The following GET3 variants were observed in gnomAD, a reference collection of about 807,000 sequenced individuals.
The protein encoded by GET3 is ATPase GET3.
In GET3, 15 loss-of-function variants were observed where a neutral mutation model predicts 32.4. That is an observed-to-expected ratio of 0.46 (90% CI 0.31 to 0.71). The LOEUF is 0.71. GET3 is among the 30% of genes least tolerant of loss of function. The pLI is 0.05. For missense variants in GET3, 333 were observed against 459.0 expected (o/e 0.73, Z 2.51); for synonymous variants, 198 against 185.6 (o/e 1.07, Z -0.54).
At position 12,739,257 on chromosome 19, in the gene GET3, T is replaced by C. The variant is rs943306270; in HGVS notation, c.309+599T>C. 1.2e-4 allele frequency among the ~76,000 whole-genome samples: 19 copies of C among 152,002 alleles called. 1 individual carries two copies. The highest frequency in any genetic ancestry group is 4.3e-4 in the African/African-American group (18 of 41,432). ...ATCTAGGCTGACTGCAACCTCCGCC[T>C]CCCAGGTTCAAGCAATGCTCCTGCC... On this transcript the variant is annotated intron_variant, in intron 2 of 6. Transcript: ENST00000357332.
Position 12,745,279 on chromosome 19 carries a change from C to T in GET3, c.310-98C>T. 6.8e-7 allele frequency: 1 copy of T among 1,467,824 alleles called. No homozygotes were observed. The highest frequency in any genetic ancestry group is 9.2e-7 in the Non-Finnish European group (1 of 1,083,730). 90.9% of individuals were successfully genotyped at this position (1,467,824 alleles called of 1,614,324 possible). A position where few individuals can be genotyped will look rare whatever the true frequency, so the allele number is the denominator to read the frequency against. ...AGCCCACCACAGGCTCCCTCTGGCC[C>T]TGTGCCCGGGTAGGAAGGCTCCCCC... On this transcript the variant is annotated intron_variant, in intron 2 of 6. Coordinates refer to ENST00000357332, the MANE Select transcript of GET3 (RefSeq NM_004317.4). The surrounding 1 kb of genome is among the most constrained non-coding windows in gnomAD (Gnocchi z 5.0).
upstream of GET3, chr19:12,737,239 T>G: frequency 2.8e-6 from 1 of 351,740 alleles, no homozygotes; most frequent in African/African-American, 2.1e-5. Context: ...CTGCAAGACC[T>G]AGGGCCCAAT....
intron 2 of GET3, among the ~76,000 whole-genome samples, chr19:12,739,710 G>A (rs1022622941): frequency 1.3e-5 from 2 of 152,106 alleles, no homozygotes; most frequent in African/African-American, 4.8e-5. Context: ...AGAGGAGGTT[G>A]GCATTGATTT....
rs1458678555 is a variant in GET3 at position 12,745,545 on chromosome 19, G to A, written c.458+20G>A. 6.2e-7 allele frequency: 1 copy of A among 1,612,828 alleles called. No homozygotes were observed. Among genetic ancestry groups the A allele is most frequent in the East Asian group, 2.2e-5 (1 of 44,880 alleles). The stretch of plus-strand genomic sequence containing the variant: ...CATGAGGTCAGGCCCAGCCAGCAGG[G>A]GTGGGGGCTGCCTGGGGAAGGGGAA... On this transcript the variant is annotated intron_variant, in intron 3 of 6. Transcript: ENST00000357332. The surrounding 1 kb of genome is among the most constrained non-coding windows in gnomAD (Gnocchi z 5.0).
In GET3 at chr19:12,740,625, C is replaced by T. The variant is rs191882363; in HGVS notation, c.309+1967C>T. Among the ~76,000 whole-genome samples the T allele has an allele frequency of 2.7e-3, 409 of 149,828 alleles. 6 individuals carry two copies. The Middle Eastern group carries it at 0.032, about 12-fold the overall frequency. ...GCGGGAAGTGGACCTTGCAGTGAGC[C>T]GAGATCGCGCCACTGCTTTACAGCC... On this transcript the variant is annotated intron_variant, in intron 2 of 6. Coordinates refer to ENST00000357332, the MANE Select transcript of GET3 (RefSeq NM_004317.4).
At position 12,747,341 on chromosome 19, in the gene GET3, G is replaced by A. The variant is rs918701874; in HGVS notation, c.717+37G>A. 8 of 1,610,908 alleles carry A rather than the reference G, an allele frequency of 5.0e-6. No individual in the cohort carries two copies. Among genetic ancestry groups the A allele is most frequent in the Non-Finnish European group, 6.8e-6 (8 of 1,177,562 alleles). The stretch of plus-strand genomic sequence containing the variant: ...TCTGGCTGGCGGTGAGAGGCCCGGG[G>A]GCTGAGGACAGGGGCAGACCCCGCC... On this transcript the variant is annotated intron_variant, in intron 5 of 6. Transcript: ENST00000357332. This position sits in a 1 kb window ranked among gnomAD's most constrained non-coding sequence, Gnocchi z 4.0.
At chr19:12,740,798 A>G (rs879352657) in intron 2 of GET3, among the ~76,000 whole-genome samples, 2 of 152,244 alleles carry the variant, frequency 1.3e-5, no homozygotes, top group Non-Finnish European at 2.9e-5. Context: ...GGGCGCTGCC[A>G]GGGTCAGGGA....
rs200739909 is a variant in GET3 at position 12,747,337 on chromosome 19, C to T, written c.717+33C>T. 1.9e-4 allele frequency: 310 copies of T among 1,610,244 alleles called. 1 individual carries two copies. In the African/African-American group the frequency reaches 2.9e-3, roughly 15 times the overall value. ...GTGGTCTGGCTGGCGGTGAGAGGCCCGGGGGCTGAGGACAGGGGCAGACCC... is the reference window on the plus strand; with the variant it reads ...GTGGTCTGGCTGGCGGTGAGAGGCCTGGGGGCTGAGGACAGGGGCAGACCC... On this transcript the variant is annotated intron_variant, in intron 5 of 6. Transcript: ENST00000357332. This position sits in a 1 kb window ranked among gnomAD's most constrained non-coding sequence, Gnocchi z 4.0.
chr19:12,739,292 C>T (rs1225861063), intron 2 of GET3, among the ~76,000 whole-genome samples: 1 of 152,102 alleles, frequency 6.6e-6, no homozygotes, highest in Admixed American at 6.6e-5. Flanking sequence ...CTCAGCCTCC[C>T]GAGTAGCTGG....
intron 2 of GET3, among the ~76,000 whole-genome samples, chr19:12,744,216 C>CG (rs1282186894): frequency 1.2e-4 from 15 of 130,026 alleles, no homozygotes; most frequent in African/African-American, 3.0e-4. Flanking sequence ...AACTCCATCT[C>CG]GGGAAAAAAA....
intron 2 of GET3, among the ~76,000 whole-genome samples, chr19:12,740,090 A>C (rs1415808145): frequency 6.6e-6 from 1 of 152,068 alleles, no homozygotes; most frequent in Non-Finnish European, 1.5e-5. Flanking sequence ...GTCTCAAAAA[A>C]AAAAAAAATT....
chr19:12,738,751 C>T, intron 2 of GET3, 93 bp downstream of exon 2: 1 of 1,479,656 alleles, frequency 6.8e-7, no homozygotes, highest in Non-Finnish European at 9.2e-7. Context: ...GTCCTATCCA[C>T]TCTATATCCT....
Position 12,748,083 on chromosome 19 carries a change from C to A in GET3, c.1026C>A (p.Tyr342Ter), listed in dbSNP as rs1967808900. The change falls in exon 7 of 7, where the codon TAC becomes TAA. Residue 342 changes from tyrosine to a stop codon, truncating the protein, a stop_gained. Coordinates refer to ENST00000357332, the MANE Select transcript of GET3 (RefSeq NM_004317.4). LOFTEE classifies it high-confidence loss of function. ...NTFSALLLEPYKPPSAQ is the reference protein window; with the variant it reads ...NTFSALLLEP ...TCTCGGCCCTCCTCCTGGAGCCCTA[C>A]AAGCCCCCCAGTGCCCAGTAGCACA... 1 of 1,605,240 alleles carries A rather than the reference C, an allele frequency of 6.2e-7. No homozygotes were observed. Among genetic ancestry groups the A allele is most frequent in the South Asian group, 1.1e-5 (1 of 90,178 alleles).
intron 2 of GET3, among the ~76,000 whole-genome samples, chr19:12,741,488 G>A (rs1272079104): frequency 1.3e-5 from 2 of 151,726 alleles, no homozygotes; most frequent in Non-Finnish European, 2.9e-5. Context: ...GCCAGGCACG[G>A]TGGCTCACGC....
At position 12,747,677 on chromosome 19, in the gene GET3, T is replaced by C; in HGVS notation, c.915+85T>C. On this transcript the variant is annotated intron_variant, in intron 6 of 6. Coordinates refer to ENST00000357332, the MANE Select transcript of GET3 (RefSeq NM_004317.4). This position sits in a 1 kb window ranked among gnomAD's most constrained non-coding sequence, Gnocchi z 4.0. ...TCTTTTGCTCCACCATCTGGCCCTC[T>C]GCCCTCTAGCCTCCTGCCCTTTGCC... 1 of 1,474,524 alleles carries C rather than the reference T, an allele frequency of 6.8e-7. No individual in the cohort carries two copies. The allele number at this position is 1,474,524 out of a possible 1,614,324, so 91.3% of individuals were successfully genotyped here.
At position 12,745,850 on chromosome 19, in the gene GET3, T is replaced by G; in HGVS notation, c.609+91T>G. The G allele has an allele frequency of 1.7e-4, 230 of 1,318,500 alleles. No individual in the cohort carries two copies. Among genetic ancestry groups the G allele is most frequent in the Middle Eastern group, 2.5e-4 (1 of 3,950 alleles). The allele number at this position is 1,318,500 out of a possible 1,614,324, so 81.7% of individuals were successfully genotyped here. A position where few individuals can be genotyped will look rare whatever the true frequency, so the allele number is the denominator to read the frequency against. ...CAGACCCTCAAATGCGCACTAACAA[T>G]TCCCTTTCCTTCCCACCCCTTCTCA... On this transcript the variant is annotated intron_variant, in intron 4 of 6. Coordinates refer to ENST00000357332, the MANE Select transcript of GET3 (RefSeq NM_004317.4). This position sits in a 1 kb window ranked among gnomAD's most constrained non-coding sequence, Gnocchi z 5.0.
chr19:12,745,824 C>G lies in GET3; in HGVS notation c.609+65C>G, dbSNP rs1967762296. On this transcript the variant is annotated intron_variant, in intron 4 of 6. Transcript: ENST00000357332. This position sits in a 1 kb window ranked among gnomAD's most constrained non-coding sequence, Gnocchi z 5.0. ...CGGGAGTGGGAGTAGGCCCGGGCCC[C>G]CAGACCCTCAAATGCGCACTAACAA... The G allele has an allele frequency of 1.3e-6, 2 of 1,530,684 alleles. No individual in the cohort carries two copies. Among genetic ancestry groups the G allele is most frequent in the South Asian group, 1.2e-5 (1 of 80,884 alleles). 94.8% of individuals were successfully genotyped at this position (1,530,684 alleles called of 1,614,324 possible).
At chr19:12,744,150 A>G (rs1234055518) in intron 2 of GET3, among the ~76,000 whole-genome samples, 1 of 137,326 alleles carries the variant, frequency 7.3e-6, no homozygotes. Context: ...CAGAAGGTGG[A>G]GGTTGTGATG....
In GET3 at chr19:12,748,147, C is replaced by G. The variant is rs1317353207; in HGVS notation, c.*43C>G. ...ACCGCTGCCATTTCACACTCACCCT[C>G]CACCCTCCCCACCCCCTCGGGGCAG... is the stretch of plus-strand genomic sequence containing the variant. On this transcript the variant is annotated 3_prime_UTR_variant, in exon 7 of 7. Transcript: ENST00000357332. 1.3e-6 allele frequency: 2 copies of G among 1,528,784 alleles called. No homozygotes were observed. The highest frequency in any genetic ancestry group is 1.2e-5 in the South Asian group (1 of 80,548). 94.7% of individuals were successfully genotyped at this position (1,528,784 alleles called of 1,614,324 possible).
Sources: gnomAD v4.1 joint callset for allele counts (sites outside exome capture counted in the v4.1 genomes callset) on GRCh38, gnomAD v4.1.1 for gene constraint, Gnocchi (gnomAD v3.1) non-coding constraint, MANE v1.5 for transcripts, NCBI Gene and HGNC (gene_info 2026-07-23, HGNC 2026-07-21) for gene names.